RUSC2: variants seen among roughly 807,000 people sequenced by gnomAD.
RUSC2 encodes RUN and SH3 domain containing 2, also known as AP-4 complex accessory subunit RUSC2.
In RUSC2, 34 loss-of-function variants were observed where a neutral mutation model predicts 122.2. The observed-to-expected ratio is 0.28, with a 90% confidence interval of 0.21 to 0.37. The LOEUF (loss-of-function observed/expected upper bound fraction) is 0.37. Among genes scored for constraint, RUSC2 ranks in the 10% least tolerant of loss-of-function variants. RUSC2 has a pLI of 1.00. For synonymous variants in RUSC2, 784 were observed against 790.0 expected, an observed-to-expected ratio of 0.99 and a Z score of 0.13; for missense variants, 1,747 against 1,952.4, an observed-to-expected ratio of 0.89 and a Z score of 1.98.
chr9:35,528,801 A>G (rs1587850595), intron 1 of RUSC2, among the ~76,000 whole-genome samples: 1 of 152,260 alleles, frequency 6.6e-6, no homozygotes, highest in East Asian at 1.9e-4. Flanking sequence ...ATTAGCTTAA[A>G]AGGGCCGGGC....
At chr9:35,496,070 C>G (rs1028322644) in intron 1 of RUSC2, among the ~76,000 whole-genome samples, 1 of 152,056 alleles carries the variant, frequency 6.6e-6, no homozygotes, top group Admixed American at 6.6e-5. Context: ...GATGAGCGAG[C>G]TAGTAACCAG....
At chr9:35,524,738 G>A (rs949218747) in intron 1 of RUSC2, among the ~76,000 whole-genome samples, 1 of 152,154 alleles carries the variant, frequency 6.6e-6, no homozygotes, top group Non-Finnish European at 1.5e-5. Flanking sequence ...TTGGGAGGCC[G>A]AGACGGGTGG....
chr9:35,499,808 A>G (rs1472113395), intron 1 of RUSC2, among the ~76,000 whole-genome samples: 1 of 152,250 alleles, frequency 6.6e-6, no homozygotes, highest in Non-Finnish European at 1.5e-5. Flanking sequence ...GAAAAAGAGC[A>G]AAGTTCTCCT....
Position 35,555,071 on chromosome 9 carries a change from G to A in RUSC2, c.2026G>A (p.Glu676Lys), listed in dbSNP as rs747964836. The change falls in exon 3 of 12, where the codon GAG (glutamate) becomes AAG (lysine). Residue 676 changes from glutamate to lysine, a missense_variant. Transcript: ENST00000361226. This position sits in a 1 kb window ranked among gnomAD's most constrained non-coding sequence, Gnocchi z 4.6. ...ARARADGGGT[E>K]SRPVLRYSKE... Reference sequence around the variant, plus strand: ...TCCCTTTGCTACAGGGGGTGGCACCGAGAGCCGACCAGTCCTTCGCTACAG... The same window carrying A: ...TCCCTTTGCTACAGGGGGTGGCACCAAGAGCCGACCAGTCCTTCGCTACAG... The A allele has an allele frequency of 6.8e-6, 11 of 1,611,866 alleles. No homozygotes were observed. The highest frequency in any genetic ancestry group is 2.7e-5 in the African/African-American group (2 of 74,836).
rs1380617312 is a variant in RUSC2 at position 35,535,376 on chromosome 9, A to G, written c.-92-11054A>G. On this transcript the variant is annotated intron_variant, in intron 1 of 11. Coordinates refer to ENST00000361226, the MANE Select transcript of RUSC2 (RefSeq NM_014806.5). ...GGTGATCTGCCCGCTTCGGCCCCCC[A>G]AAGTGCTAGGATTACAGGCATTAGC... Among the ~76,000 whole-genome samples, 3 of 150,826 alleles carry G rather than the reference A, an allele frequency of 2.0e-5. No homozygotes were observed. In the East Asian group the frequency reaches 5.8e-4, roughly 29 times the overall value.
At chr9:35,512,074 G>A (rs893074128) in intron 1 of RUSC2, among the ~76,000 whole-genome samples, 23 of 152,078 alleles carry the variant, frequency 1.5e-4, no homozygotes, top group African/African-American at 4.6e-4. Context: ...CCAGCTACTC[G>A]GGAGGATGAG....
At position 35,561,745 on chromosome 9, in the gene RUSC2, A is replaced by AT; in HGVS notation, c.*365dup. On this transcript the variant is annotated 3_prime_UTR_variant, in exon 12 of 12. Transcript: ENST00000361226. ...GGTGGAGATGAGGATGGGTAACAGT[A>AT]TTGGGGCCAGATCCCTAAGCCCCCC... 1.8e-6 allele frequency: 1 copy of AT among 545,102 alleles called. No homozygotes were observed. The highest frequency in any genetic ancestry group is 2.5e-5 in the South Asian group (1 of 40,468). 33.8% of individuals were successfully genotyped at this position (545,102 alleles called of 1,614,324 possible). A position where few individuals can be genotyped will look rare whatever the true frequency, so the allele number is the denominator to read the frequency against.
rs1254620619 is a variant in RUSC2, at chr9:35,555,293, C to A, written c.2248C>A (p.Pro750Thr). The A allele has an allele frequency of 6.2e-7, 1 of 1,613,722 alleles. No individual in the cohort carries two copies. Among genetic ancestry groups the A allele is most frequent in the African/African-American group, 1.3e-5 (1 of 74,952 alleles). Reference sequence around the variant, plus strand: ...CTCAGTCCCAGCTCCCTCAGGGGAACCGCAGGCATCCACTCCCCGAGCCAC... The same window carrying A: ...CTCAGTCCCAGCTCCCTCAGGGGAAACGCAGGCATCCACTCCCCGAGCCAC... ...QVSVPAPSGE[P>T]QASTPRATGR... Residue 750 changes from proline to threonine, a missense_variant, in exon 3 of 12, where the codon CCG (proline) becomes ACG (threonine). Physicochemically the swap from Pro to Thr is conservative, Grantham distance 38. Coordinates refer to ENST00000361226, the MANE Select transcript of RUSC2 (RefSeq NM_014806.5). The surrounding 1 kb of genome is among the most constrained non-coding windows in gnomAD (Gnocchi z 4.6).
At chr9:35,497,682 T>C (rs1820745957) in intron 1 of RUSC2, among the ~76,000 whole-genome samples, 1 of 152,194 alleles carries the variant, frequency 6.6e-6, no homozygotes, top group South Asian at 2.1e-4. Flanking sequence ...ATATTATTAA[T>C]GATATGCACA....
At position 35,555,213 on chromosome 9, in the gene RUSC2, C is replaced by T; in HGVS notation, c.2168C>T (p.Ser723Leu). The T allele has an allele frequency of 6.2e-7, 1 of 1,613,274 alleles. No individual in the cohort carries two copies. The highest frequency in any genetic ancestry group is 2.2e-5 in the East Asian group (1 of 44,874). Residue 723 changes from serine to leucine, a missense_variant, in exon 3 of 12, where the codon TCA becomes TTA. By Grantham distance (145) the Ser-to-Leu change is moderately radical. Coordinates refer to ENST00000361226, the MANE Select transcript of RUSC2 (RefSeq NM_014806.5). This position sits in a 1 kb window ranked among gnomAD's most constrained non-coding sequence, Gnocchi z 4.6. ...LHSLSQLYSL[S>L]GCSRTQQPAP... ...AGCCTTTCCCAGCTCTACAGCCTCT[C>T]AGGCTGCAGCCGTACACAGCAGCCT...
At chr9:35,533,950 T>G (rs1821473091) in intron 1 of RUSC2, among the ~76,000 whole-genome samples, 1 of 152,230 alleles carries the variant, frequency 6.6e-6, no homozygotes, top group Non-Finnish European at 1.5e-5. Context: ...GTGTGGATGT[T>G]TTTTGTTTCT....
chr9:35,535,695 C>T (rs535127707), intron 1 of RUSC2, among the ~76,000 whole-genome samples: 3 of 151,988 alleles, frequency 2.0e-5, no homozygotes, highest in Admixed American at 6.6e-5. Flanking sequence ...TCCACCACCA[C>T]GCCCGGCTAA....
intron 1 of RUSC2, among the ~76,000 whole-genome samples, chr9:35,492,125 G>A (rs1255546743): frequency 6.6e-6 from 1 of 151,934 alleles, no homozygotes; most frequent in East Asian, 1.9e-4. Flanking sequence ...AGTTACCCCA[G>A]AACACCCTGG....
intron 1 of RUSC2, among the ~76,000 whole-genome samples, chr9:35,503,433 G>A (rs564443649): frequency 1.2e-4 from 19 of 152,234 alleles, no homozygotes; most frequent in East Asian, 5.8e-4. Context: ...TAAAAAAGCC[G>A]TTATTTTATT....
At chr9:35,515,625 T>C in intron 1 of RUSC2, among the ~76,000 whole-genome samples, 1 of 152,314 alleles carries the variant, frequency 6.6e-6, no homozygotes, top group South Asian at 2.1e-4. Context: ...ATAAAGTTTA[T>C]CTCTGCAAGA....
chr9:35,522,728 G>A (rs1296289164), intron 1 of RUSC2, among the ~76,000 whole-genome samples: 1 of 152,148 alleles, frequency 6.6e-6, no homozygotes, highest in Non-Finnish European at 1.5e-5. Context: ...AGTACAGTAT[G>A]TAATAATTTA....
chr9:35,501,314 C>A (rs1820813711), intron 1 of RUSC2, among the ~76,000 whole-genome samples: 1 of 152,180 alleles, frequency 6.6e-6, no homozygotes, highest in Non-Finnish European at 1.5e-5. Context: ...CAGTGGCTCA[C>A]ACCTGGAATC....
intron 1 of RUSC2, among the ~76,000 whole-genome samples, chr9:35,520,150 A>C (rs1234685618): frequency 1.3e-5 from 2 of 152,256 alleles, no homozygotes. Flanking sequence ...AGCCAGTCCC[A>C]GTGCTCTTAC....
intron 1 of RUSC2, among the ~76,000 whole-genome samples, chr9:35,516,980 A>G (rs1400095749): frequency 1.3e-5 from 2 of 152,260 alleles, no homozygotes; most frequent in African/African-American, 4.8e-5. Flanking sequence ...ATTATTCCAC[A>G]TGATATTCAT....
Sources: gnomAD v4.1 joint callset for allele counts (sites outside exome capture counted in the v4.1 genomes callset) on GRCh38, gnomAD v4.1.1 for gene constraint, Gnocchi (gnomAD v3.1) non-coding constraint, MANE v1.5 for transcripts, NCBI Gene and HGNC (gene_info 2026-07-23, HGNC 2026-07-21) for gene names.